DLC1: variants seen among roughly 807,000 people sequenced by gnomAD.
The protein encoded by DLC1 is rho GTPase-activating protein 7.
In DLC1, 54 loss-of-function variants were observed where a neutral mutation model predicts 140.3. The ratio of observed to expected loss-of-function variants is 0.38; its 90% CI spans 0.31 to 0.48. DLC1 has a LOEUF of 0.48. Ranked by LOEUF, DLC1 falls within the 20% of genes least tolerant of loss-of-function variation. DLC1 has a pLI of 0.96. For synonymous variants in DLC1, 986 were observed against 728.1 expected (o/e 1.35, Z -5.70); for missense variants, 2,536 against 1,907.0 (o/e 1.33, Z -6.14).
intron 1 of DLC1, among the ~76,000 whole-genome samples, chr8:13,564,105 C>G (rs1010569019): frequency 7.9e-5 from 12 of 152,016 alleles, no homozygotes; most frequent in African/African-American, 2.7e-4. Context: ...TATATTATTA[C>G]TTTTGCAAAA....
intron 4 of DLC1, among the ~76,000 whole-genome samples, chr8:13,315,666 C>T (rs370216967): frequency 7.2e-5 from 11 of 152,256 alleles, no homozygotes; most frequent in South Asian, 6.2e-4. Context: ...CCTAAGTCCC[C>T]GTATTTTGTT....
At chr8:13,600,449 C>T (rs1805837568) in intron 1 of DLC1, among the ~76,000 whole-genome samples, 1 of 151,950 alleles carries the variant, frequency 6.6e-6, no homozygotes, top group Non-Finnish European at 1.5e-5. Flanking sequence ...AAATTAGCTA[C>T]AACCGAAGAG....
At chr8:13,109,884 T>G (rs1268847936) in intron 7 of DLC1, among the ~76,000 whole-genome samples, 1 of 151,798 alleles carries the variant, frequency 6.6e-6, no homozygotes, top group African/African-American at 2.4e-5. Context: ...AAACTCCTTC[T>G]CAAAAAAACA....
At chr8:13,190,567 C>T (rs1826690216) in intron 5 of DLC1, among the ~76,000 whole-genome samples, 1 of 152,096 alleles carries the variant, frequency 6.6e-6, no homozygotes, top group Admixed American at 6.5e-5. Flanking sequence ...TTTTGAATGC[C>T]TTTGAGAAAG....
At chr8:13,305,062 T>C in intron 5 of DLC1, 2 of 1,230,172 alleles carry the variant, frequency 1.6e-6, no homozygotes, top group Non-Finnish European at 2.0e-6. Flanking sequence ...ACATATCTTA[T>C]TCTAACACAA....
chr8:13,263,098 G>C (rs532419441), intron 5 of DLC1, among the ~76,000 whole-genome samples: 12 of 152,152 alleles, frequency 7.9e-5, no homozygotes, highest in Admixed American at 6.5e-4. Context: ...TCCAATATTT[G>C]GGGAAAGGAT....
intron 1 of DLC1, among the ~76,000 whole-genome samples, chr8:13,548,582 C>T (rs1005236801): frequency 5.9e-5 from 9 of 152,118 alleles, no homozygotes; most frequent in South Asian, 4.2e-4. Context: ...ATTGCCACTA[C>T]GTTGTTAAGA....
Position 13,338,255 on chromosome 8 carries a change from A to C in DLC1, c.1315-32953T>G, listed in dbSNP as rs555166565. On this transcript the variant is annotated intron_variant, in intron 4 of 17. Coordinates refer to ENST00000276297, the MANE Select transcript of DLC1 (RefSeq NM_182643.3). ...GGTTTGTGGGAAAATCAAGTGAGAC[A>C]ATTTACGTTACAGGTGGTTAAAAAT... 2.6e-5 allele frequency among the ~76,000 whole-genome samples: 4 copies of C among 152,294 alleles called. 1 individual carries two copies. The highest frequency in any genetic ancestry group is 9.6e-5 in the African/African-American group (4 of 41,566).
intron 5 of DLC1, among the ~76,000 whole-genome samples, chr8:13,185,882 G>T (rs573536929): frequency 2.6e-5 from 4 of 152,240 alleles, no homozygotes; most frequent in Admixed American, 2.6e-4. Context: ...GTCTGTAAAG[G>T]ATTTTATTTC....
intron 5 of DLC1, chr8:13,214,895 A>T: frequency 3.0e-6 from 2 of 671,548 alleles, no homozygotes; most frequent in South Asian, 3.5e-5. Flanking sequence ...GCCTTGCTCC[A>T]TGACTGGGAA....
rs570225581 is a variant in DLC1, at chr8:13,400,454, A to T, written c.1173+1016T>A. On this transcript the variant is annotated intron_variant, in intron 3 of 17. Transcript: ENST00000276297. Reference sequence around the variant, plus strand: ...TTTGAACTCAGACCTTTACACTACAAAGTTCATAATGTTATTCCACTGTAT... The same window carrying T: ...TTTGAACTCAGACCTTTACACTACATAGTTCATAATGTTATTCCACTGTAT... Among the ~76,000 whole-genome samples, 23 of 152,288 alleles carry T rather than the reference A, an allele frequency of 1.5e-4. No individual in the cohort carries two copies. In the South Asian group the frequency reaches 4.8e-3, roughly 32 times the overall value.
At chr8:13,219,411 C>CATATAATTATACTTATATAATTT (rs1563174796) in intron 5 of DLC1, among the ~76,000 whole-genome samples, 1 of 145,030 alleles carries the variant, frequency 6.9e-6, no homozygotes, top group African/African-American at 2.5e-5. Context: ...TTATATAATT[C>CATATAATTATACTTATATAATTT]ATATAATTAT....
At chr8:13,153,214 C>A (rs965561495) in intron 5 of DLC1, among the ~76,000 whole-genome samples, 14 of 152,058 alleles carry the variant, frequency 9.2e-5, no homozygotes, top group Non-Finnish European at 2.1e-4. Context: ...TTTTTTCCTT[C>A]TGGTGGGTTC....
At chr8:13,519,197 G>A (rs1255780549), upstream of DLC1, among the ~76,000 whole-genome samples, 1 of 144,786 alleles carries the variant, frequency 6.9e-6, no homozygotes, top group Non-Finnish European at 1.5e-5. Context: ...GCGCAATCTC[G>A]GCTCACTGCA....
chr8:13,255,224 G>C (rs1170839997), intron 5 of DLC1, among the ~76,000 whole-genome samples: 1 of 152,000 alleles, frequency 6.6e-6, no homozygotes, highest in Non-Finnish European at 1.5e-5. Context: ...GCCCACCTAG[G>C]CTTCCCAAAG....
chr8:13,227,593 C>T (rs1828856758), intron 5 of DLC1, among the ~76,000 whole-genome samples: 1 of 152,158 alleles, frequency 6.6e-6, no homozygotes, highest in African/African-American at 2.4e-5. Context: ...TAGTGGTAGC[C>T]TCTGCCAGTG....
At chr8:13,600,716 G>C (rs549457549) in intron 1 of DLC1, among the ~76,000 whole-genome samples, 2 of 151,746 alleles carry the variant, frequency 1.3e-5, no homozygotes, top group African/African-American at 2.4e-5. Context: ...TTTATTTAAA[G>C]TAAATCTTTT....
At chr8:13,109,833 C>T (rs775966985) in intron 7 of DLC1, among the ~76,000 whole-genome samples, 20 of 151,552 alleles carry the variant, frequency 1.3e-4, no homozygotes, top group Non-Finnish European at 2.6e-4. Flanking sequence ...TGCAGTGAGC[C>T]GAGACCACGC....
chr8:13,297,282 T>TAAAAAAAAAAAAAAAAAAAAAAA lies in DLC1; in HGVS notation c.1348+7986_1348+7987insTTTTTTTTTTTTTTTTTTTTTTT, dbSNP rs60048506. On this transcript the variant is annotated intron_variant, in intron 5 of 17. Coordinates refer to ENST00000276297, the MANE Select transcript of DLC1 (RefSeq NM_182643.3). ...CAGGCAAGCAGAGGCCTTCATACAT[T>TAAAAAAAAAAAAAAAAAAAAAAA]AAAAAAAAAAAAAACTGAAGCAAGT... Among the ~76,000 whole-genome samples, 22 of 9,632 alleles carry TAAAAAAAAAAAAAAAAAAAAAAA rather than the reference T, an allele frequency of 2.3e-3. 7 individuals carry two copies. Among genetic ancestry groups the TAAAAAAAAAAAAAAAAAAAAAAA allele is most frequent in the South Asian group, 8.5e-3 (1 of 118 alleles). 6.3% of individuals were successfully genotyped at this position (9,632 alleles called of 152,430 possible). A position where few individuals can be genotyped will look rare whatever the true frequency, so the allele number is the denominator to read the frequency against.
Sources: allele counts gnomAD v4.1 joint callset (sites outside exome capture counted in the v4.1 genomes callset), GRCh38; gene constraint gnomAD v4.1.1; transcripts MANE v1.5; gene names NCBI Gene and HGNC (gene_info 2026-07-23, HGNC 2026-07-21).